The following RBFOX1 variants were observed in gnomAD, a reference collection of about 807,000 sequenced individuals.
The protein encoded by RBFOX1 is RNA binding fox-1 homolog 1.
In RBFOX1, 8 loss-of-function variants were observed where a neutral mutation model predicts 57.7. The observed-to-expected ratio is 0.14, with a 90% CI of 0.08 to 0.25. The LOEUF (loss-of-function observed/expected upper bound fraction) is 0.25. Among genes scored for constraint, RBFOX1 ranks in the 10% least tolerant of loss-of-function variants. RBFOX1 has a pLI of 1.00. For missense variants in RBFOX1, 611 were observed against 548.5 expected (o/e 1.11, Z -1.14); for synonymous variants, 326 against 222.4 (o/e 1.47, Z -4.15).
At chr16:7,680,113 GTC>G (rs1315689279) in intron 14 of RBFOX1, among the ~76,000 whole-genome samples, 1 of 152,174 alleles carries the variant, frequency 6.6e-6, no homozygotes, top group Non-Finnish European at 1.5e-5. Context: ...TTGCTGATGT[GTC>G]TGTGATACGT....
chr16:6,170,749 C>T (rs1488422725), intron 1 of RBFOX1, among the ~76,000 whole-genome samples: 1 of 152,136 alleles, frequency 6.6e-6, no homozygotes, highest in East Asian at 1.9e-4. Context: ...TCCTCCCACC[C>T]TCTATCCTCA....
intron 3 of RBFOX1, among the ~76,000 whole-genome samples, chr16:6,687,043 C>T (rs1461743994): frequency 1.3e-5 from 2 of 152,150 alleles, no homozygotes; most frequent in African/African-American, 4.8e-5. Context: ...GAAATCTTTG[C>T]AGTGTTAAAA....
intron 1 of RBFOX1, among the ~76,000 whole-genome samples, chr16:5,448,016 A>T (rs886773564): frequency 6.6e-6 from 1 of 152,058 alleles, no homozygotes; most frequent in Non-Finnish European, 1.5e-5. Flanking sequence ...AATTAATTGA[A>T]TCTGGGGGTG....
chr16:5,760,638 G>A (rs543315628), intron 3 of RBFOX1, among the ~76,000 whole-genome samples: 9 of 152,236 alleles, frequency 5.9e-5, no homozygotes, highest in African/African-American at 2.2e-4. Flanking sequence ...TTGAAGGAAG[G>A]CAGACACAAA....
chr16:5,956,512 A>G (rs1049158560), intron 4 of RBFOX1, among the ~76,000 whole-genome samples: 10 of 151,670 alleles, frequency 6.6e-5, no homozygotes, highest in Non-Finnish European at 8.8e-5. Flanking sequence ...TTAAAAATGC[A>G]AATCACTGGG....
At chr16:6,092,152 G>A (rs923555472) in intron 1 of RBFOX1, among the ~76,000 whole-genome samples, 5 of 152,182 alleles carry the variant, frequency 3.3e-5, no homozygotes, top group Admixed American at 3.3e-4. Context: ...CTTGGTGTGA[G>A]GGAACTAATA....
intron 2 of RBFOX1, among the ~76,000 whole-genome samples, chr16:6,562,880 C>CTTTCTTTCTTTTT (rs746999419): frequency 4.8e-4 from 25 of 51,778 alleles, no homozygotes; most frequent in East Asian, 1.8e-3. Flanking sequence ...TTCTTTCTTT[C>CTTTCTTTCTTTTT]TTTTTTTTTT....
At chr16:5,546,576 A>C (rs1039427358) in intron 2 of RBFOX1, among the ~76,000 whole-genome samples, 3 of 152,188 alleles carry the variant, frequency 2.0e-5, no homozygotes, top group African/African-American at 7.2e-5. Flanking sequence ...AATGAATTCC[A>C]ATCTGTATCT....
At chr16:6,941,251 C>A (rs1299158852) in intron 3 of RBFOX1, among the ~76,000 whole-genome samples, 1 of 110,308 alleles carries the variant, frequency 9.1e-6, no homozygotes, top group Non-Finnish European at 1.8e-5. Context: ...CCCTCCCATT[C>A]CCTCCCTCCC....
intron 4 of RBFOX1, among the ~76,000 whole-genome samples, chr16:5,990,960 G>A (rs1408940396): frequency 6.6e-6 from 1 of 152,140 alleles, no homozygotes; most frequent in Non-Finnish European, 1.5e-5. Context: ...GGCCACAAGA[G>A]CAAGACTCTG....
chr16:6,605,801 C>G (rs745981808), intron 2 of RBFOX1, among the ~76,000 whole-genome samples: 55 of 152,214 alleles, frequency 3.6e-4, no homozygotes, highest in Non-Finnish European at 6.9e-4. Flanking sequence ...GGAAACTATA[C>G]TTGAAATATG....
chr16:5,648,114 C>T (rs2049109253), intron 3 of RBFOX1, among the ~76,000 whole-genome samples: 2 of 152,192 alleles, frequency 1.3e-5, no homozygotes, highest in Admixed American at 6.5e-5. Context: ...CCTGCCTCTA[C>T]CTCCCAGAGT....
At chr16:6,512,320 A>G (rs934742588) in intron 2 of RBFOX1, among the ~76,000 whole-genome samples, 4 of 148,524 alleles carry the variant, frequency 2.7e-5, no homozygotes, top group Non-Finnish European at 6.0e-5. Context: ...AAAGAGATTT[A>G]TGCATGTATT....
intron 4 of RBFOX1, among the ~76,000 whole-genome samples, chr16:7,434,966 T>G (rs2098710710): frequency 6.6e-6 from 1 of 152,150 alleles, no homozygotes; most frequent in Non-Finnish European, 1.5e-5. Flanking sequence ...TCTTGAACTG[T>G]TGACCTTCAG....
intron 2 of RBFOX1, among the ~76,000 whole-genome samples, chr16:6,321,550 C>G (rs138178320): frequency 2.5e-3 from 382 of 152,328 alleles, no homozygotes; most frequent in African/African-American, 8.4e-3. Flanking sequence ...CAGCATTCAT[C>G]TATTCTAACT....
chr16:6,199,046 C>T (rs560128284), intron 1 of RBFOX1, among the ~76,000 whole-genome samples: 2 of 151,980 alleles, frequency 1.3e-5, no homozygotes, highest in Admixed American at 6.6e-5. Flanking sequence ...AAATAGGTCA[C>T]GTGTTTTCTC....
At position 6,827,223 on chromosome 16, in the gene RBFOX1, C is replaced by T. The variant is rs547498412; in HGVS notation, c.-16+172573C>T. Among the ~76,000 whole-genome samples the T allele has an allele frequency of 4.0e-5, 6 of 150,774 alleles. No individual in the cohort carries two copies. In the South Asian group the frequency reaches 1.3e-3, roughly 32 times the overall value. On this transcript the variant is annotated intron_variant, in intron 3 of 15. Transcript: ENST00000550418. ...GTGTGTTTTTTTTTTTCTTCAACTA[C>T]TTTAATCTCATTTTCTCCTAAAGTT...
At chr16:7,505,838 T>G (rs2073088237) in intron 4 of RBFOX1, among the ~76,000 whole-genome samples, 1 of 152,172 alleles carries the variant, frequency 6.6e-6, no homozygotes, top group Non-Finnish European at 1.5e-5. Context: ...CTTTGTTGTT[T>G]GTTGGATTTT....
intron 1 of RBFOX1, among the ~76,000 whole-genome samples, chr16:5,352,338 A>T (rs550954684): frequency 1.3e-5 from 2 of 152,178 alleles, no homozygotes; most frequent in South Asian, 4.1e-4. Context: ...TAACCCAGCA[A>T]TTGCATTCCT....
Sources: gnomAD v4.1 joint callset for allele counts (sites outside exome capture counted in the v4.1 genomes callset) on GRCh38, gnomAD v4.1.1 for gene constraint, MANE v1.5 for transcripts, NCBI Gene and HGNC (gene_info 2026-07-23, HGNC 2026-07-21) for gene names.